The following ZCCHC8 variants were observed in gnomAD, a reference collection of about 807,000 sequenced individuals.
The protein encoded by ZCCHC8 is zinc finger CCHC-type containing 8.
In ZCCHC8, 27 loss-of-function variants were observed where a neutral mutation model predicts 70.6. The observed-to-expected ratio is 0.38, with a 90% CI of 0.28 to 0.53. ZCCHC8 has a LOEUF of 0.53. Ranked by LOEUF, ZCCHC8 falls within the 20% of genes least tolerant of loss-of-function variation. ZCCHC8 has a pLI of 0.81. For missense variants in ZCCHC8, 737 were observed against 876.9 expected (o/e 0.84, Z 2.01); for synonymous variants, 293 against 317.4 (o/e 0.92, Z 0.82).
At chr12:122,489,294 A>C (rs1957703106) in intron 5 of ZCCHC8, 92 bp downstream of exon 5, 2 of 1,145,458 alleles carry the variant, frequency 1.7e-6, no homozygotes, top group Non-Finnish European at 2.5e-6. Flanking sequence ...AAGACATATG[A>C]CTATACTACT....
At chr12:122,499,268 A>ATT in intron 1 of ZCCHC8, 1 of 185,896 alleles carries the variant, frequency 5.4e-6, no homozygotes, top group Non-Finnish European at 1.1e-5. Context: ...AATCCTTTCA[A>ATT]CTTTTTTTTT....
chr12:122,498,948 G>T, intron 1 of ZCCHC8, 79 bp from the exon 2 acceptor site: 1 of 1,299,734 alleles, frequency 7.7e-7, no homozygotes, highest in South Asian at 1.2e-5. Flanking sequence ...TCTCACTTTT[G>T]GTGTCAGAAT....
At chr12:122,488,764 G>A (rs1438582442) in intron 5 of ZCCHC8, among the ~76,000 whole-genome samples, 2 of 151,576 alleles carry the variant, frequency 1.3e-5, no homozygotes, top group Non-Finnish European at 2.9e-5. Context: ...CCAGCTACTC[G>A]GGAAGCTGAG....
chr12:122,492,857 G>T, intron 2 of ZCCHC8, 68 bp from the exon 3 acceptor site: 2 of 1,061,804 alleles, frequency 1.9e-6, no homozygotes, highest in South Asian at 1.4e-5. Context: ...ATATATAAAC[G>T]CATAACTTTT....
chr12:122,489,570 T>G, intron 4 of ZCCHC8, 107 bp from the exon 5 acceptor site: 1 of 987,550 alleles, frequency 1.0e-6, no homozygotes, highest in Non-Finnish European at 1.6e-6. Context: ...TGAACGACAT[T>G]TCATGTGGGA....
chr12:122,473,281 T>G lies in ZCCHC8; in HGVS notation c.*216A>C. The G allele has an allele frequency of 1.7e-6, 1 of 571,832 alleles. No homozygotes were observed. Among genetic ancestry groups the G allele is most frequent in the South Asian group, 2.7e-5 (1 of 37,474 alleles). The allele number at this position is 571,832 out of a possible 1,614,324, so 35.4% of individuals were successfully genotyped here. On this transcript the variant is annotated 3_prime_UTR_variant, in exon 14 of 14. Coordinates refer to ENST00000633063, the MANE Select transcript of ZCCHC8 (RefSeq NM_017612.5). ...CAAACCCTCTCTAAACCAGGTCATA[T>G]TCACATCTCCCCCCAAGTTTTGTCA...
At chr12:122,474,662 T>C (rs1593310612) in intron 13 of ZCCHC8, among the ~76,000 whole-genome samples, 1 of 151,858 alleles carries the variant, frequency 6.6e-6, no homozygotes, top group African/African-American at 2.4e-5. Context: ...GGCTGGTTAC[T>C]GAGTGGGTGG....
At chr12:122,494,546 C>T (rs191519106) in intron 2 of ZCCHC8, among the ~76,000 whole-genome samples, 347 of 145,512 alleles carry the variant, frequency 2.4e-3, no homozygotes, top group African/African-American at 8.0e-3. Context: ...GGCAACACAG[C>T]GAGACTCTGT....
At chr12:122,474,831 T>A (rs1957388688) in intron 13 of ZCCHC8, among the ~76,000 whole-genome samples, 1 of 146,978 alleles carries the variant, frequency 6.8e-6, no homozygotes, top group Admixed American at 7.1e-5. Flanking sequence ...GTCTCCTGGG[T>A]TCAAGCAATT....
intron 2 of ZCCHC8, among the ~76,000 whole-genome samples, chr12:122,494,559 CAAA>C (rs148969205): frequency 1.1e-5 from 1 of 88,342 alleles, no homozygotes; most frequent in Non-Finnish European, 2.3e-5. Context: ...GACTCTGTTT[CAAA>C]AAAAAAAAAA....
chr12:122,484,609 T>C (rs1957600120), intron 5 of ZCCHC8, among the ~76,000 whole-genome samples: 1 of 151,310 alleles, frequency 6.6e-6, no homozygotes, highest in African/African-American at 2.4e-5. Flanking sequence ...TCCAGGCTGG[T>C]CTTAAACTCC....
At position 122,478,396 on chromosome 12, in the gene ZCCHC8, T is replaced by C; in HGVS notation, c.1141-104A>G. On this transcript the variant is annotated intron_variant, in intron 11 of 13. Transcript: ENST00000633063. The stretch of plus-strand genomic sequence containing the variant: ...TACAGTGGAGATCTCAAATTACATT[T>C]TTCCTTCTTATGTTACTTTTCCTTT... 3.9e-6 allele frequency: 3 copies of C among 775,214 alleles called. No homozygotes were observed. The South Asian group carries it at 5.5e-5, about 14-fold the overall frequency. 48.0% of individuals were successfully genotyped at this position (775,214 alleles called of 1,614,324 possible).
intron 5 of ZCCHC8, among the ~76,000 whole-genome samples, chr12:122,488,770 C>T (rs959126880): frequency 6.6e-6 from 1 of 150,944 alleles, no homozygotes; most frequent in Admixed American, 6.6e-5. Flanking sequence ...ACTCGGGAAG[C>T]TGAGGCAGGA....
rs1045472731 is a variant in ZCCHC8, at chr12:122,500,629, G to A, written c.199+13C>T. The A allele has an allele frequency of 1.7e-5, 26 of 1,558,374 alleles. No individual in the cohort carries two copies. Among genetic ancestry groups the A allele is most frequent in the Non-Finnish European group, 2.3e-5 (26 of 1,153,860 alleles). ...ACACCCGGGTGACAGGGCCCAGCGA[G>A]AGGAAAGGATATTCTCGGCGCGGAG... On this transcript the variant is annotated intron_variant, in intron 1 of 13. Transcript: ENST00000633063. This position sits in a 1 kb window ranked among gnomAD's most constrained non-coding sequence, Gnocchi z 4.8.
rs1957909792 is a variant in ZCCHC8 at position 122,500,591 on chromosome 12, C to A, written c.199+51G>T. ...CGCTGCCCCGGCCCCACGCCTGGCG[C>A]TGCCCCGGCCCCACACCCGGGTGAC... is the stretch of plus-strand genomic sequence containing the variant. On this transcript the variant is annotated intron_variant, in intron 1 of 13. Transcript: ENST00000633063. The surrounding 1 kb of genome is among the most constrained non-coding windows in gnomAD (Gnocchi z 4.8). 3 of 1,512,648 alleles carry A rather than the reference C, an allele frequency of 2.0e-6. No individual in the cohort carries two copies. Among genetic ancestry groups the A allele is most frequent in the Non-Finnish European group, 2.7e-6 (3 of 1,130,438 alleles). The allele number at this position is 1,512,648 out of a possible 1,614,324, so 93.7% of individuals were successfully genotyped here. A position where few individuals can be genotyped will look rare whatever the true frequency, so the allele number is the denominator to read the frequency against.
intron 8 of ZCCHC8, 196 bp downstream of exon 8, chr12:122,482,437 CTG>C (rs1388351738): frequency 1.4e-4 from 65 of 459,666 alleles, no homozygotes; most frequent in Admixed American, 4.7e-4. Context: ...TTAAAGGACA[CTG>C]TTTTAAATTA....
At chr12:122,475,432 CCA>C (rs1346209951) in intron 13 of ZCCHC8, among the ~76,000 whole-genome samples, 4 of 152,198 alleles carry the variant, frequency 2.6e-5, no homozygotes, top group African/African-American at 9.7e-5. Context: ...CCTACACGTT[CCA>C]CAGATACAAC....
intron 5 of ZCCHC8, among the ~76,000 whole-genome samples, chr12:122,488,691 T>G (rs142162932): frequency 0.043 from 6,529 of 151,720 alleles, 485 homozygotes; most frequent in African/African-American, 0.15. Context: ...GCCAACATGG[T>G]GAAACCCTGT....
chr12:122,497,352 G>T (rs1047024543), intron 2 of ZCCHC8, among the ~76,000 whole-genome samples: 3 of 151,226 alleles, frequency 2.0e-5, no homozygotes, highest in Non-Finnish European at 4.4e-5. Context: ...GACCAGCCTG[G>T]CCAACATGGT....
Sources: allele counts gnomAD v4.1 joint callset (sites outside exome capture counted in the v4.1 genomes callset), GRCh38; gene constraint gnomAD v4.1.1; non-coding constraint Gnocchi (gnomAD v3.1); transcripts MANE v1.5; gene names NCBI Gene and HGNC (gene_info 2026-07-23, HGNC 2026-07-21).